EXPH5: variants seen among roughly 807,000 people sequenced by gnomAD.
The protein encoded by EXPH5 is exophilin-5.
In EXPH5, 42 loss-of-function variants were observed where a neutral mutation model predicts 41.1. The observed-to-expected ratio is 1.02, with a 90% CI of 0.80 to 1.32. EXPH5 has a LOEUF of 1.32. Among genes scored for constraint, EXPH5 ranks in the 40% most tolerant of loss-of-function variants. The pLI, the probability that EXPH5 is intolerant of heterozygous loss-of-function variation, is 0.00. For missense variants in EXPH5, 2,298 were observed against 2,314.5 expected, an observed-to-expected ratio of 0.99 and a Z score of 0.15; for synonymous variants, 798 against 833.5, an observed-to-expected ratio of 0.96 and a Z score of 0.73.
intron 1 of EXPH5, among the ~76,000 whole-genome samples, chr11:108,592,096 G>C (rs1279813619): frequency 6.6e-6 from 1 of 152,116 alleles, no homozygotes; most frequent in African/African-American, 2.4e-5. Flanking sequence ...CATATGTGTA[G>C]GTACATTATG....
In EXPH5 at chr11:108,509,889, C is replaced by A. The variant is rs1007711226; in HGVS notation, c.5618G>T (p.Gly1873Val). 3.7e-6 allele frequency: 6 copies of A among 1,608,752 alleles called. No homozygotes were observed. Among genetic ancestry groups the A allele is most frequent in the Non-Finnish European group, 5.1e-6 (6 of 1,178,258 alleles). ...GTATATAGATATTGCAGACCTGGGACCTGTTTTTGTCCCGCTGCGATAAGC... is the reference window on the plus strand; with the variant it reads ...GTATATAGATATTGCAGACCTGGGAACTGTTTTTGTCCCGCTGCGATAAGC... Reference protein sequence around the residue: ...SWAYRSGTKTGPRSAISIYRP... With the variant: ...SWAYRSGTKTVPRSAISIYRP... Residue 1873 changes from glycine to valine, a missense_variant, in exon 6 of 6, where the codon GGT (glycine) becomes GTT (valine). Gly to Val is a moderately radical substitution (Grantham distance 109). Coordinates refer to ENST00000265843, the MANE Select transcript of EXPH5 (RefSeq NM_015065.3).
At chr11:108,569,304 CG>C (rs141098809) in intron 1 of EXPH5, among the ~76,000 whole-genome samples, 6,484 of 150,556 alleles carry the variant, frequency 0.043, 150 homozygotes, top group Middle Eastern at 0.082. Context: ...TCATTCGTCA[CG>C]TTATAGTGAA....
At chr11:108,598,631 C>A (rs893169715), upstream of EXPH5, among the ~76,000 whole-genome samples, 1 of 151,846 alleles carries the variant, frequency 6.6e-6, no homozygotes, top group African/African-American at 2.4e-5. Context: ...TAAGCGGTGA[C>A]CTGAGGGGTG....
At chr11:108,542,804 C>T (rs868164707) in intron 1 of EXPH5, among the ~76,000 whole-genome samples, 17 of 152,222 alleles carry the variant, frequency 1.1e-4, no homozygotes, top group East Asian at 7.7e-4. Flanking sequence ...CTGCAACCTC[C>T]GCCTCCCGAG....
At chr11:108,572,798 A>T (rs2094065204) in intron 1 of EXPH5, among the ~76,000 whole-genome samples, 1 of 152,082 alleles carries the variant, frequency 6.6e-6, no homozygotes, top group South Asian at 2.1e-4. Context: ...ACCTTAGGTG[A>T]TCCACTCGTC....
chr11:108,512,305 T>A lies in EXPH5; in HGVS notation c.3202A>T (p.Asn1068Tyr). 6.2e-7 allele frequency: 1 copy of A among 1,613,824 alleles called. No homozygotes were observed. The highest frequency in any genetic ancestry group is 8.5e-7 in the Non-Finnish European group (1 of 1,179,900). The stretch of plus-strand genomic sequence containing the variant: ...TCAGGAGAACTGGGACTAAATTTGT[T>A]TAACATATAGTTCCCCATTGCATCT... Reference protein sequence around the residue: ...VEDAMGNYMLNKFSPSSPESA... With the variant: ...VEDAMGNYMLYKFSPSSPESA... The change falls in exon 6 of 6, where the codon AAC (asparagine) becomes TAC (tyrosine). Residue 1068 changes from asparagine (N) to tyrosine (Y), a missense_variant. Physicochemically the swap from Asn to Tyr is moderately radical, Grantham distance 143 (BLOSUM62 -2). Transcript: ENST00000265843.
intron 1 of EXPH5, among the ~76,000 whole-genome samples, chr11:108,542,023 G>A (rs752523899): frequency 5.9e-5 from 9 of 152,044 alleles, no homozygotes; most frequent in African/African-American, 1.9e-4. Flanking sequence ...GACCACAGAC[G>A]CATACCACCA....
chr11:108,589,560 C>T lies in EXPH5; in HGVS notation c.119+3858G>A, dbSNP rs114586888. Among the ~76,000 whole-genome samples, 938 of 152,276 alleles carry T rather than the reference C, an allele frequency of 6.2e-3. 7 individuals are homozygous for T. Among genetic ancestry groups the T allele is most frequent in the African/African-American group, 0.021 (874 of 41,552 alleles). On this transcript the variant is annotated intron_variant, in intron 1 of 5. Coordinates refer to ENST00000265843, the MANE Select transcript of EXPH5 (RefSeq NM_015065.3). The stretch of plus-strand genomic sequence containing the variant: ...AAAAATGGTCTAAATCTAGACATGC[C>T]ATTTAAAAACTTGATTACTCCAGGC...
At position 108,514,525 on chromosome 11, in the gene EXPH5, G is replaced by A. The variant is rs200777871; in HGVS notation, c.982C>T (p.Arg328Trp). ...STSLCFDSRQ[R>W]SALPATGHFT... is the part of the protein sequence containing the mutation. ...TGCCCTGTGGCTGGTAAGGCCGACC[G>A]TTGCCTGCTGTCAAAACACAGCGAA... is the stretch of plus-strand genomic sequence containing the variant. The change falls in exon 6 of 6, where the codon CGG becomes TGG. Residue 328 changes from arginine (R) to tryptophan (W), a missense_variant. Arg to Trp is a moderately radical substitution (Grantham distance 101, BLOSUM62 -3). Transcript: ENST00000265843. 3.3e-5 allele frequency: 54 copies of A among 1,612,486 alleles called. No homozygotes were observed. The highest frequency in any genetic ancestry group is 1.7e-4 in the African/African-American group (13 of 74,868).
rs1404351120 is a variant in EXPH5 at position 108,532,347 on chromosome 11, T to G, written c.444-4163A>C. Among the ~76,000 whole-genome samples the G allele has an allele frequency of 8.6e-4, 7 of 8,170 alleles. 1 individual carries two copies. The highest frequency in any genetic ancestry group is 3.3e-3 in the African/African-American group (7 of 2,092). The allele number at this position is 8,170 out of a possible 152,430, so 5.4% of individuals were successfully genotyped here. ...TGTGCACCACCACACTGGATATATA[T>G]ATATATATATATATATATATTTTTT... is the stretch of plus-strand genomic sequence containing the variant. On this transcript the variant is annotated intron_variant, in intron 3 of 5. Transcript: ENST00000265843.
chr11:108,538,084 A>G, intron 3 of EXPH5: 1 of 984,796 alleles, frequency 1.0e-6, no homozygotes, highest in Non-Finnish European at 1.2e-6. Flanking sequence ...GAAGTGAAAA[A>G]CCCTCCATTC....
At position 108,565,757 on chromosome 11, in the gene EXPH5, C is replaced by T. The variant is rs138296795; in HGVS notation, c.120-23945G>A. Among the ~76,000 whole-genome samples, 189 of 152,294 alleles carry T rather than the reference C, an allele frequency of 1.2e-3. 6 individuals carry two copies. In the South Asian group the frequency reaches 0.024, roughly 19 times the overall value. On this transcript the variant is annotated intron_variant, in intron 1 of 5. Transcript: ENST00000265843. ...TCTTCCTCATCTGTAAAGCTCAGTT[C>T]TTTGTCACCAGCCCCATGCTTACCT...
chr11:108,571,228 A>G (rs1178121375), intron 1 of EXPH5, among the ~76,000 whole-genome samples: 2 of 152,224 alleles, frequency 1.3e-5, no homozygotes, highest in African/African-American at 4.8e-5. Context: ...GTAGAGGCAA[A>G]GCAATTACAC....
In EXPH5 at chr11:108,593,634, C is replaced by A; in HGVS notation, c.-98G>T. The A allele has an allele frequency of 1.9e-6, 3 of 1,600,892 alleles. No homozygotes were observed. Among genetic ancestry groups the A allele is most frequent in the Non-Finnish European group, 2.6e-6 (3 of 1,172,522 alleles). ...CAAGACCAGTTTCACGAACTTGATCCCACAGCCAATAATAAGTCCGCCCCT... is the reference window on the plus strand; with the variant it reads ...CAAGACCAGTTTCACGAACTTGATCACACAGCCAATAATAAGTCCGCCCCT... On this transcript the variant is annotated 5_prime_UTR_variant, in exon 1 of 6. Coordinates refer to ENST00000265843, the MANE Select transcript of EXPH5 (RefSeq NM_015065.3).
At chr11:108,601,694 T>TCTCC in the EXPH5 span, among the ~76,000 whole-genome samples, 4 of 152,104 alleles carry the variant, frequency 2.6e-5, no homozygotes, top group Admixed American at 1.3e-4. Context: ...CTTTCTTTTC[T>TCTCC]CTCCCTCCCT....
intron 1 of EXPH5, among the ~76,000 whole-genome samples, chr11:108,551,456 C>G (rs1022857296): frequency 1.3e-5 from 2 of 152,232 alleles, no homozygotes; most frequent in Admixed American, 1.3e-4. Flanking sequence ...ATCAGCTCCT[C>G]TTGCCAAAGG....
intron 2 of EXPH5, among the ~76,000 whole-genome samples, chr11:108,540,192 G>T (rs552002465): frequency 1.3e-5 from 2 of 151,814 alleles, no homozygotes; most frequent in Non-Finnish European, 1.5e-5. Flanking sequence ...GTGTGGTGGC[G>T]CACGCCTGTA....
intron 3 of EXPH5, among the ~76,000 whole-genome samples, chr11:108,532,539 G>T (rs1213909079): frequency 6.6e-6 from 1 of 150,634 alleles, no homozygotes; most frequent in Non-Finnish European, 1.5e-5. Flanking sequence ...GTAACCCAAT[G>T]ACACAGGACT....
At chr11:108,532,745 C>T (rs2093851808) in intron 3 of EXPH5, among the ~76,000 whole-genome samples, 1 of 152,138 alleles carries the variant, frequency 6.6e-6, no homozygotes, top group South Asian at 2.1e-4. Context: ...TCAGATAGGC[C>T]TCTGAGCCTA....
Sources: allele counts gnomAD v4.1 joint callset (sites outside exome capture counted in the v4.1 genomes callset), GRCh38; gene constraint gnomAD v4.1.1; transcripts MANE v1.5; gene names NCBI Gene and HGNC (gene_info 2026-07-23, HGNC 2026-07-21).